Variants in SNTG2 observed in about 807,000 individuals in gnomAD.
SNTG2 encodes the protein syntrophin gamma 2.
A neutral mutation model predicts 70.9 loss-of-function variants in SNTG2; 74 were observed. That is an observed-to-expected ratio of 1.04 (90% CI 0.86 to 1.27). The LOEUF is 1.27. Among genes scored for constraint, SNTG2 ranks in the 50% most tolerant of loss-of-function variants. SNTG2 has a pLI of 0.00. For missense variants in SNTG2, 717 were observed against 690.7 expected, an observed-to-expected ratio of 1.04 and a Z score of -0.43; for synonymous variants, 278 against 273.8, an observed-to-expected ratio of 1.02 and a Z score of -0.15.
At chr2:1,154,114 G>C (rs534492275) in intron 6 of SNTG2, among the ~76,000 whole-genome samples, 2 of 152,186 alleles carry the variant, frequency 1.3e-5, no homozygotes, top group South Asian at 4.1e-4. Flanking sequence ...TGAGGAAGAG[G>C]GCAGGGAGCC....
chr2:1,295,365 A>G (rs962417376), intron 14 of SNTG2, among the ~76,000 whole-genome samples: 2 of 152,142 alleles, frequency 1.3e-5, no homozygotes, highest in Admixed American at 1.3e-4. Context: ...AGGTGCTGAA[A>G]CTTGTATAGG....
chr2:1,253,182 C>A (rs928411430), intron 12 of SNTG2, among the ~76,000 whole-genome samples: 14 of 152,102 alleles, frequency 9.2e-5, no homozygotes, highest in African/African-American at 3.4e-4. Flanking sequence ...GCACGTGGGG[C>A]CATGACTCTC....
intron 4 of SNTG2, among the ~76,000 whole-genome samples, chr2:1,125,868 T>A (rs1317859703): frequency 3.3e-5 from 5 of 152,134 alleles, no homozygotes; most frequent in African/African-American, 1.2e-4. Flanking sequence ...GTGTTTTTTT[T>A]AATTAACACA....
At chr2:1,197,666 C>T (rs751167883) in intron 8 of SNTG2, among the ~76,000 whole-genome samples, 33 of 151,636 alleles carry the variant, frequency 2.2e-4, no homozygotes, top group Non-Finnish European at 3.7e-4. Flanking sequence ...TCCCAAGTAT[C>T]TGGGATTACA....
intron 9 of SNTG2, among the ~76,000 whole-genome samples, chr2:1,222,472 AT>A (rs1558555323): frequency 0.01 from 1,487 of 143,102 alleles, 149 homozygotes; most frequent in African/African-American, 0.031. Flanking sequence ...GAGGTGCTGG[AT>A]CGCTGTAGAG....
In SNTG2 at chr2:1,320,199, G is replaced by A. The variant is rs532032833; in HGVS notation, c.1488+3824G>A. Among the ~76,000 whole-genome samples the A allele has an allele frequency of 2.0e-5, 3 of 152,146 alleles. No homozygotes were observed. In the South Asian group the frequency reaches 6.2e-4, roughly 32 times the overall value. On this transcript the variant is annotated intron_variant, in intron 16 of 16. Coordinates refer to ENST00000308624, the MANE Select transcript of SNTG2 (RefSeq NM_018968.4). ...TCTAGGGAGGAGTTCTGGGGCTTGG[G>A]GAGCAGAGTGAAATATTCCTACCAT...
chr2:1,151,525 CT>C (rs1386168784), intron 6 of SNTG2, among the ~76,000 whole-genome samples: 1 of 152,194 alleles, frequency 6.6e-6, no homozygotes, highest in Non-Finnish European at 1.5e-5. Flanking sequence ...CAAACTGCAG[CT>C]TTCCCCCTAG....
At chr2:1,017,774 CTG>C (rs1279445889) in intron 1 of SNTG2, among the ~76,000 whole-genome samples, 1 of 152,152 alleles carries the variant, frequency 6.6e-6, no homozygotes, top group Non-Finnish European at 1.5e-5. Context: ...AGCTCTGTGA[CTG>C]TGTCAGGTGA....
Position 1,314,403 on chromosome 2 carries a change from A to G in SNTG2, c.1378-1862A>G, listed in dbSNP as rs570998088. 8.5e-5 allele frequency among the ~76,000 whole-genome samples: 13 copies of G among 152,364 alleles called. No homozygotes were observed. The South Asian group carries it at 2.7e-3, about 32-fold the overall frequency. On this transcript the variant is annotated intron_variant, in intron 15 of 16. Coordinates refer to ENST00000308624, the MANE Select transcript of SNTG2 (RefSeq NM_018968.4). Reference sequence around the variant, plus strand: ...GGGCTGAAGTCACAGCCTTCACTTAACAGCTTTCAGAGAAGGTGCTTTGGC... The same window carrying G: ...GGGCTGAAGTCACAGCCTTCACTTAGCAGCTTTCAGAGAAGGTGCTTTGGC...
At chr2:1,267,822 G>A (rs1348816204) in intron 14 of SNTG2, among the ~76,000 whole-genome samples, 1 of 152,228 alleles carries the variant, frequency 6.6e-6, no homozygotes, top group Non-Finnish European at 1.5e-5. Flanking sequence ...TGAGGAACGG[G>A]CTGCATCGCT....
intron 16 of SNTG2, among the ~76,000 whole-genome samples, chr2:1,339,469 G>A (rs1184844355): frequency 6.6e-6 from 1 of 152,156 alleles, no homozygotes; most frequent in African/African-American, 2.4e-5. Flanking sequence ...TATCTAACAT[G>A]TGCTAGTTGG....
chr2:1,244,066 A>AAGT (rs1201183573), intron 11 of SNTG2, among the ~76,000 whole-genome samples: 4 of 152,184 alleles, frequency 2.6e-5, no homozygotes, highest in African/African-American at 9.6e-5. Flanking sequence ...GAAGTGGAGG[A>AAGT]AGTAAAACCA....
At chr2:1,210,201 T>A (rs115940876) in intron 9 of SNTG2, among the ~76,000 whole-genome samples, 1,726 of 152,322 alleles carry the variant, frequency 0.011, 30 homozygotes, top group African/African-American at 0.04. Flanking sequence ...TATGATCCCA[T>A]TGCAGGAACA....
chr2:1,249,847 G>A (rs896426689), intron 12 of SNTG2, among the ~76,000 whole-genome samples: 1 of 152,124 alleles, frequency 6.6e-6, no homozygotes. Flanking sequence ...AAATGCAGGC[G>A]AGTCTTCCCT....
intron 14 of SNTG2, among the ~76,000 whole-genome samples, chr2:1,281,835 C>T (rs1457790947): frequency 3.3e-5 from 5 of 152,136 alleles, no homozygotes; most frequent in Non-Finnish European, 7.4e-5. Flanking sequence ...ACTGGCCCCA[C>T]CCAGCACAAG....
chr2:997,529 G>C (rs572088399), intron 1 of SNTG2, among the ~76,000 whole-genome samples: 8 of 152,318 alleles, frequency 5.3e-5, no homozygotes, highest in Admixed American at 2.0e-4. Context: ...ACTTCAATCT[G>C]ACTGTGCTGT....
At chr2:1,209,265 T>A in intron 9 of SNTG2, 35 bp downstream of exon 9, 1 of 1,613,166 alleles carries the variant, frequency 6.2e-7, no homozygotes, top group South Asian at 1.1e-5. Flanking sequence ...GAAACTTTGA[T>A]GAACCCCGTG....
intron 6 of SNTG2, among the ~76,000 whole-genome samples, chr2:1,155,208 C>T (rs1669806969): frequency 2.0e-5 from 3 of 147,872 alleles, no homozygotes; most frequent in South Asian, 2.1e-4. Flanking sequence ...CACACACCCA[C>T]ACCACACACA....
At chr2:1,287,386 T>G (rs975419719) in intron 14 of SNTG2, among the ~76,000 whole-genome samples, 1 of 152,078 alleles carries the variant, frequency 6.6e-6, no homozygotes, top group African/African-American at 2.4e-5. Context: ...GCTGGGTGAG[T>G]CCGGCAGCCT....
Sources: gnomAD v4.1 joint callset for allele counts (sites outside exome capture counted in the v4.1 genomes callset) on GRCh38, gnomAD v4.1.1 for gene constraint, MANE v1.5 for transcripts, NCBI Gene and HGNC (gene_info 2026-07-23, HGNC 2026-07-21) for gene names.